Variants in LRRC69 observed in about 807,000 individuals in gnomAD.
LRRC69 encodes leucine-rich repeat-containing protein 69.
A neutral mutation model predicts 37.8 loss-of-function variants in LRRC69; 42 were observed. That is an observed-to-expected ratio of 1.11 (90% CI 0.87 to 1.44). LRRC69 has a LOEUF of 1.44. Ranked by LOEUF, LRRC69 falls within the 40% of genes most tolerant of loss-of-function variation. The pLI, the probability that LRRC69 is intolerant of heterozygous loss-of-function variation, is 0.00. For missense variants in LRRC69, 357 were observed against 401.9 expected (o/e 0.89, Z 0.96); for synonymous variants, 141 against 143.1 (o/e 0.99, Z 0.11).
rs548599096 is a variant in LRRC69, at chr8:91,135,844, T to TA, written c.651+108dup. ...GTAAAACCTGTAGTAATTGAAACCT[T>TA]AAATTATACAAATGACTCAAAGATT... On this transcript the variant is annotated intron_variant, in intron 5 of 7. Coordinates refer to ENST00000448384, the Ensembl canonical transcript of LRRC69. 4,133 of 525,764 alleles carry TA rather than the reference T, an allele frequency of 7.9e-3. 29 individuals carry two copies. The highest frequency in any genetic ancestry group is 0.011 in the Non-Finnish European group (3,586 of 313,812). The allele number at this position is 525,764 out of a possible 1,614,324, so 32.6% of individuals were successfully genotyped here.
intron 2 of LRRC69, 125 bp from the exon 3 acceptor site, chr8:91,126,963 C>T (rs1463207156): frequency 2.9e-6 from 2 of 682,392 alleles, no homozygotes; most frequent in East Asian, 5.8e-5. Context: ...GTTTCTGTTA[C>T]CACCACCAAA....
At chr8:91,128,563 CT>C (rs1813757640) in intron 3 of LRRC69, among the ~76,000 whole-genome samples, 1 of 151,948 alleles carries the variant, frequency 6.6e-6, no homozygotes, top group Admixed American at 6.6e-5. Context: ...AGTTTCTTCA[CT>C]TTCCTATATC....
chr8:91,144,541 C>T (rs1019063368), intron 5 of LRRC69, among the ~76,000 whole-genome samples: 1 of 151,966 alleles, frequency 6.6e-6, no homozygotes, highest in Non-Finnish European at 1.5e-5. Context: ...CCAGATTCCT[C>T]TGGAAATAGG....
chr8:91,206,814 A>G (rs767475713), intron 7 of LRRC69: 1 of 1,288,574 alleles, frequency 7.8e-7, no homozygotes, highest in South Asian at 1.2e-5. Context: ...ACCCCATGAC[A>G]CCAGTAAGAA....
At chr8:91,111,250 A>G (rs1813406010) in intron 1 of LRRC69, among the ~76,000 whole-genome samples, 1 of 152,034 alleles carries the variant, frequency 6.6e-6, no homozygotes. Context: ...AAATGAGATT[A>G]TGGGCCAGGC....
At chr8:91,147,795 C>T (rs577423914) in intron 5 of LRRC69, among the ~76,000 whole-genome samples, 1 of 151,720 alleles carries the variant, frequency 6.6e-6, no homozygotes, top group African/African-American at 2.4e-5. Flanking sequence ...GTTTGCTGTA[C>T]CTATCAACCC....
chr8:91,126,010 C>T (rs918989869), intron 2 of LRRC69, among the ~76,000 whole-genome samples: 4 of 151,812 alleles, frequency 2.6e-5, no homozygotes, highest in African/African-American at 4.8e-5. Flanking sequence ...ATCATTTCTT[C>T]GAGTTGGGAA....
In LRRC69 at chr8:91,169,524, T is replaced by C. The variant is rs550280415; in HGVS notation, c.652-19998T>C. Among the ~76,000 whole-genome samples, 65 of 38,826 alleles carry C rather than the reference T, an allele frequency of 1.7e-3. 1 individual carries two copies. The South Asian group carries it at 0.098, about 59-fold the overall frequency. The allele number at this position is 38,826 out of a possible 152,430, so 25.5% of individuals were successfully genotyped here. On this transcript the variant is annotated intron_variant, in intron 5 of 7. Coordinates refer to ENST00000448384, the Ensembl canonical transcript of LRRC69. ...TACATGTACATATGTGTGTATATAA[T>C]TTTTTTTTTATTATACCTTAAGTTT...
At chr8:91,186,533 A>G (rs555998915) in intron 5 of LRRC69, among the ~76,000 whole-genome samples, 1 of 152,312 alleles carries the variant, frequency 6.6e-6, no homozygotes, top group South Asian at 2.1e-4. Flanking sequence ...GATGGGGCTT[A>G]CTAGGATATA....
intron 7 of LRRC69, among the ~76,000 whole-genome samples, chr8:91,216,493 T>A (rs1810050217): frequency 6.6e-6 from 1 of 152,178 alleles, no homozygotes; most frequent in African/African-American, 2.4e-5. Context: ...GGTTCTTGGC[T>A]CTATTAATTG....
At chr8:91,174,862 A>T in intron 5 of LRRC69, among the ~76,000 whole-genome samples, 1 of 147,594 alleles carries the variant, frequency 6.8e-6, no homozygotes, top group East Asian at 2.0e-4. Flanking sequence ...TATCCAGTGG[A>T]GAGGTGCTAA....
chr8:91,173,857 C>T (rs571569354), intron 5 of LRRC69, among the ~76,000 whole-genome samples: 5 of 151,582 alleles, frequency 3.3e-5, no homozygotes, highest in African/African-American at 9.7e-5. Flanking sequence ...GGCCCTACCT[C>T]GATACTATCA....
intron 1 of LRRC69, among the ~76,000 whole-genome samples, chr8:91,123,486 A>G (rs186152206): frequency 9.9e-5 from 15 of 152,100 alleles, no homozygotes; most frequent in South Asian, 2.1e-4. Flanking sequence ...ATATCAATGT[A>G]TATTTCTTTG....
chr8:91,206,842 A>T, intron 7 of LRRC69: 1 of 1,288,202 alleles, frequency 7.8e-7, no homozygotes, highest in Non-Finnish European at 1.0e-6. Context: ...GCAAGGAGAA[A>T]CCAAGTAATT....
intron 5 of LRRC69, among the ~76,000 whole-genome samples, chr8:91,185,740 C>T (rs1809397314): frequency 6.6e-6 from 1 of 151,090 alleles, no homozygotes; most frequent in African/African-American, 2.4e-5. Flanking sequence ...ATGCCTTAGC[C>T]CCCACACTTG....
intron 2 of LRRC69, among the ~76,000 whole-genome samples, chr8:91,125,890 T>C (rs1035805726): frequency 4.0e-5 from 6 of 151,892 alleles, no homozygotes; most frequent in Non-Finnish European, 7.4e-5. Flanking sequence ...ATTTTTTTAA[T>C]TGACAGATAA....
intron 1 of LRRC69, among the ~76,000 whole-genome samples, chr8:91,122,016 A>G (rs1300451704): frequency 2.0e-5 from 3 of 152,086 alleles, no homozygotes; most frequent in Non-Finnish European, 2.9e-5. Flanking sequence ...GTATCTTCAT[A>G]TATCTGGGCC....
intron 2 of LRRC69, among the ~76,000 whole-genome samples, chr8:91,126,260 G>A (rs978820119): frequency 2.6e-5 from 4 of 151,988 alleles, no homozygotes; most frequent in African/African-American, 9.7e-5. Context: ...TCTTTCTTGG[G>A]AATTGTGATA....
intron 1 of LRRC69, among the ~76,000 whole-genome samples, chr8:91,105,654 T>G: frequency 8.4e-6 from 1 of 119,160 alleles, no homozygotes; most frequent in Non-Finnish European, 1.7e-5. Flanking sequence ...AGAGTGATTC[T>G]GTCTCAAAAA....
Sources: gnomAD v4.1 joint callset for allele counts (sites outside exome capture counted in the v4.1 genomes callset) on GRCh38, gnomAD v4.1.1 for gene constraint, MANE v1.5 for transcripts, NCBI Gene and HGNC (gene_info 2026-07-23, HGNC 2026-07-21) for gene names.